Variants in CNTN3 observed in about 807,000 individuals in gnomAD.
The protein encoded by CNTN3 is contactin-3.
Under a neutral mutation model 119.1 loss-of-function variants are expected in CNTN3, and 60 were observed. The ratio of observed to expected loss-of-function variants is 0.50; its 90% CI spans 0.41 to 0.62. The LOEUF is 0.62. Among genes scored for constraint, CNTN3 ranks in the 20% least tolerant of loss-of-function variants. The pLI, the probability that CNTN3 is intolerant of heterozygous loss-of-function variation, is 0.00. For synonymous variants in CNTN3, 450 were observed against 438.7 expected (o/e 1.03, Z -0.32); for missense variants, 1,101 against 1,242.4 (o/e 0.89, Z 1.71).
In CNTN3 at chr3:74,264,353, T is replaced by G. The variant is rs780367035; in HGVS notation, c.*48A>C. 1 of 1,128,752 alleles carries G rather than the reference T, an allele frequency of 8.9e-7. No homozygotes were observed. The highest frequency in any genetic ancestry group is 2.3e-5 in the South Asian group (1 of 43,440). 69.9% of individuals were successfully genotyped at this position (1,128,752 alleles called of 1,614,324 possible). A position where few individuals can be genotyped will look rare whatever the true frequency, so the allele number is the denominator to read the frequency against. ...TCACTGCATTTCATGAAAGCACTTT[T>G]TTTGGTAACCAAATAACTTTCCAAT... On this transcript the variant is annotated 3_prime_UTR_variant, in exon 23 of 23. Transcript: ENST00000263665.
chr3:74,494,158 C>G (rs574520512), intron 3 of CNTN3, among the ~76,000 whole-genome samples: 19 of 152,052 alleles, frequency 1.2e-4, no homozygotes, highest in African/African-American at 4.3e-4. Flanking sequence ...CCTCCTCATA[C>G]GAACCTGGCC....
chr3:74,609,268 A>G (rs1705041713), intron 1 of CNTN3, among the ~76,000 whole-genome samples: 1 of 152,224 alleles, frequency 6.6e-6, no homozygotes, highest in Non-Finnish European at 1.5e-5. Flanking sequence ...CAGTGACCCA[A>G]GGGGTCGGCC....
intron 5 of CNTN3, among the ~76,000 whole-genome samples, chr3:74,415,756 G>A (rs974155164): frequency 3.3e-5 from 5 of 152,142 alleles, no homozygotes; most frequent in Admixed American, 1.3e-4. Flanking sequence ...CTCTGCCCCT[G>A]GTCTCTTCTT....
intron 6 of CNTN3, 53 bp downstream of exon 6, chr3:74,371,143 T>C: frequency 7.5e-7 from 1 of 1,330,200 alleles, no homozygotes; most frequent in Non-Finnish European, 1.1e-6. Flanking sequence ...TGCTTTTGTT[T>C]GCAGCCTCAG....
chr3:74,474,358 T>A (rs1702616493), intron 4 of CNTN3, among the ~76,000 whole-genome samples: 1 of 152,076 alleles, frequency 6.6e-6, no homozygotes, highest in African/African-American at 2.4e-5. Flanking sequence ...AAAATTATGG[T>A]TTGAAAACAT....
In CNTN3 at chr3:74,262,568, T is replaced by C. The variant is rs1701595298; in HGVS notation, c.*1833A>G. The stretch of plus-strand genomic sequence containing the variant: ...TACCGCAATTAATACTGCACACTCA[T>C]TTGCTTGTTATAAATTTTATTAGAA... On this transcript the variant is annotated 3_prime_UTR_variant, in exon 23 of 23. Transcript: ENST00000263665. 1.3e-5 allele frequency: 2 copies of C among 152,516 alleles called. No homozygotes were observed. The highest frequency in any genetic ancestry group is 2.9e-5 in the Non-Finnish European group (2 of 68,010). 9.4% of individuals were successfully genotyped at this position (152,516 alleles called of 1,614,324 possible).
rs143439159 is a variant in CNTN3, at chr3:74,425,757, C to T, written c.359-817G>A. ...ATAGCCTAAATAGATTTTATTCTAC[C>T]TATAATTATTTTTATTTACAAAAAT... is the stretch of plus-strand genomic sequence containing the variant. On this transcript the variant is annotated intron_variant, in intron 4 of 22. Coordinates refer to ENST00000263665, the MANE Select transcript of CNTN3 (RefSeq NM_020872.3). Among the ~76,000 whole-genome samples, 607 of 152,098 alleles carry T rather than the reference C, an allele frequency of 4.0e-3. 1 individual carries two copies. Among genetic ancestry groups the T allele is most frequent in the African/African-American group, 0.013 (551 of 41,526 alleles).
intron 1 of CNTN3, among the ~76,000 whole-genome samples, chr3:74,592,674 T>C (rs1283815801): frequency 1.3e-5 from 2 of 151,902 alleles, no homozygotes; most frequent in Non-Finnish European, 2.9e-5. Flanking sequence ...TTGATAGAAA[T>C]TTCCTTCACA....
chr3:74,462,470 C>A (rs1424720468), intron 4 of CNTN3, among the ~76,000 whole-genome samples: 1 of 152,114 alleles, frequency 6.6e-6, no homozygotes, highest in East Asian at 1.9e-4. Flanking sequence ...GCCTAGAATA[C>A]CACTCCAAAA....
chr3:74,510,089 G>A (rs1470081092), intron 2 of CNTN3, among the ~76,000 whole-genome samples: 1 of 150,200 alleles, frequency 6.7e-6, no homozygotes, highest in African/African-American at 2.5e-5. Context: ...CAATTGTCTG[G>A]GAATCTCCCT....
At chr3:74,433,853 T>C (rs1004664368) in intron 4 of CNTN3, among the ~76,000 whole-genome samples, 2 of 152,238 alleles carry the variant, frequency 1.3e-5, no homozygotes, top group Non-Finnish European at 2.9e-5. Flanking sequence ...TTCTTTCTTA[T>C]TTTCTATACT....
At chr3:74,422,112 G>A (rs1701625148) in intron 5 of CNTN3, among the ~76,000 whole-genome samples, 1 of 152,108 alleles carries the variant, frequency 6.6e-6, no homozygotes, top group African/African-American at 2.4e-5. Context: ...CCTTGTACTA[G>A]GCTCTTGGGT....
chr3:74,408,030 C>T (rs1037353838), intron 5 of CNTN3, among the ~76,000 whole-genome samples: 1 of 152,146 alleles, frequency 6.6e-6, no homozygotes, highest in African/African-American at 2.4e-5. Flanking sequence ...TGTTTTCCAG[C>T]TTAGCCAGAA....
chr3:74,431,523 A>G (rs1701782744), intron 4 of CNTN3, among the ~76,000 whole-genome samples: 1 of 152,218 alleles, frequency 6.6e-6, no homozygotes, highest in Admixed American at 6.5e-5. Flanking sequence ...TTGCAGAATA[A>G]GTCAGGGACC....
intron 13 of CNTN3, among the ~76,000 whole-genome samples, chr3:74,318,750 G>T (rs765411972): frequency 1.1e-4 from 17 of 152,058 alleles, no homozygotes; most frequent in Non-Finnish European, 2.2e-4. Flanking sequence ...GCCATGTGAG[G>T]TGTCAGTCTG....
At chr3:74,538,212 T>C (rs1458245659) in intron 1 of CNTN3, among the ~76,000 whole-genome samples, 2 of 152,176 alleles carry the variant, frequency 1.3e-5, no homozygotes, top group Non-Finnish European at 2.9e-5. Flanking sequence ...AGGCTTTTTA[T>C]ATAAACTTGG....
At chr3:74,438,341 A>C (rs1195699105) in intron 4 of CNTN3, among the ~76,000 whole-genome samples, 1 of 152,212 alleles carries the variant, frequency 6.6e-6, no homozygotes, top group Non-Finnish European at 1.5e-5. Flanking sequence ...TAGTCTGAAA[A>C]ATGAAGATAA....
In CNTN3 at chr3:74,529,804, A is replaced by C. The variant is rs1389327565; in HGVS notation, c.-80-8612T>G. 4.6e-5 allele frequency among the ~76,000 whole-genome samples: 7 copies of C among 151,874 alleles called. No individual in the cohort carries two copies. The Admixed American group carries it at 4.6e-4, about 10-fold the overall frequency. On this transcript the variant is annotated intron_variant, in intron 1 of 22. Transcript: ENST00000263665. Reference sequence around the variant, plus strand: ...AAGAGAACTTTTTGGCTTAAATAGAAAGAGTTTCAACATTGAGTTCTAACT... The same window carrying C: ...AAGAGAACTTTTTGGCTTAAATAGACAGAGTTTCAACATTGAGTTCTAACT...
intron 1 of CNTN3, among the ~76,000 whole-genome samples, chr3:74,551,393 C>T (rs569613934): frequency 6.6e-5 from 10 of 152,282 alleles, no homozygotes; most frequent in African/African-American, 2.4e-4. Context: ...TGTCCCTCAA[C>T]ACACATGCAC....
Sources: allele counts gnomAD v4.1 joint callset (sites outside exome capture counted in the v4.1 genomes callset), GRCh38; gene constraint gnomAD v4.1.1; transcripts MANE v1.5; gene names NCBI Gene and HGNC (gene_info 2026-07-23, HGNC 2026-07-21).